LHFPL3: variants seen among roughly 807,000 people sequenced by gnomAD.
LHFPL3 encodes LHFPL tetraspan subfamily member 3.
In LHFPL3, 5 loss-of-function variants were observed where a neutral mutation model predicts 19.3. The observed-to-expected ratio is 0.26, with a 90% confidence interval of 0.14 to 0.54. LHFPL3 has a LOEUF of 0.54. Ranked by LOEUF, LHFPL3 falls within the 20% of genes least tolerant of loss-of-function variation. LHFPL3 has a pLI of 0.94. For synonymous variants in LHFPL3, 133 were observed against 126.2 expected (o/e 1.05, Z -0.36); for missense variants, 249 against 307.4 (o/e 0.81, Z 1.42).
At chr7:104,886,065 G>A (rs772402473) in intron 2 of LHFPL3, among the ~76,000 whole-genome samples, 5 of 152,056 alleles carry the variant, frequency 3.3e-5, no homozygotes, top group Non-Finnish European at 4.4e-5. Flanking sequence ...ATTTTTGTTC[G>A]TAGCACTCAA....
intron 1 of LHFPL3, among the ~76,000 whole-genome samples, chr7:104,652,209 C>G (rs781364738): frequency 3.4e-4 from 51 of 151,998 alleles, no homozygotes; most frequent in Non-Finnish European, 6.2e-4. Context: ...ACTTGACAAC[C>G]TGGGGCAGTG....
chr7:104,899,959 T>C (rs1792451420), intron 2 of LHFPL3, among the ~76,000 whole-genome samples: 1 of 152,236 alleles, frequency 6.6e-6, no homozygotes, highest in Non-Finnish European at 1.5e-5. Context: ...TTCGAACTCC[T>C]GACCTCAGGT....
intron 1 of LHFPL3, among the ~76,000 whole-genome samples, chr7:104,444,930 G>A (rs780973206): frequency 6.6e-6 from 1 of 152,072 alleles, no homozygotes; most frequent in Non-Finnish European, 1.5e-5. Context: ...GGAGGTTGCG[G>A]TGAGTTGAAA....
intron 1 of LHFPL3, among the ~76,000 whole-genome samples, chr7:104,434,460 T>A (rs963888240): frequency 6.6e-6 from 1 of 152,228 alleles, no homozygotes; most frequent in Non-Finnish European, 1.5e-5. Context: ...GGGTCTAGGA[T>A]ACAGAAAACT....
chr7:104,407,718 A>G (rs1344151392), intron 1 of LHFPL3, among the ~76,000 whole-genome samples: 1 of 152,232 alleles, frequency 6.6e-6, no homozygotes, highest in African/African-American at 2.4e-5. Context: ...GACTTGAAAG[A>G]TAGTTAAAGA....
intron 1 of LHFPL3, among the ~76,000 whole-genome samples, chr7:104,511,660 C>T (rs1308589927): frequency 6.6e-6 from 1 of 152,086 alleles, no homozygotes; most frequent in Non-Finnish European, 1.5e-5. Context: ...ATTGTTGATA[C>T]ATGCAGTGAC....
At chr7:104,739,411 T>G (rs555597190) in intron 2 of LHFPL3, among the ~76,000 whole-genome samples, 6 of 152,310 alleles carry the variant, frequency 3.9e-5, no homozygotes, top group African/African-American at 1.4e-4. Flanking sequence ...GTGCATGTAA[T>G]TATCAAAATT....
chr7:104,539,766 G>GA (rs1207381052), intron 1 of LHFPL3, among the ~76,000 whole-genome samples: 1 of 152,166 alleles, frequency 6.6e-6, no homozygotes, highest in Non-Finnish European at 1.5e-5. Context: ...TTTAACCTGA[G>GA]ATTATGCTCT....
chr7:104,820,733 G>C (rs920128270), intron 2 of LHFPL3, among the ~76,000 whole-genome samples: 1 of 152,136 alleles, frequency 6.6e-6, no homozygotes, highest in Admixed American at 6.5e-5. Flanking sequence ...AGGTTGGGAA[G>C]ACACCTTAAC....
chr7:104,833,033 ATATATATATAT>A (rs1335458015), intron 2 of LHFPL3, among the ~76,000 whole-genome samples: 28 of 1,384 alleles, frequency 0.02, no homozygotes, highest in South Asian at 0.05. Flanking sequence ...TAGATATATT[ATATATATATAT>A]TATATATATA....
intron 2 of LHFPL3, among the ~76,000 whole-genome samples, chr7:104,869,380 C>T (rs1466316502): frequency 2.0e-5 from 3 of 151,718 alleles, no homozygotes; most frequent in Non-Finnish European, 4.4e-5. Context: ...CAATGAACTC[C>T]AACAAATTTA....
chr7:104,448,207 C>A (rs991400573), intron 1 of LHFPL3, among the ~76,000 whole-genome samples: 1 of 152,070 alleles, frequency 6.6e-6, no homozygotes, highest in African/African-American at 2.4e-5. Flanking sequence ...TTTGTCTTCA[C>A]CTAAGGAGTT....
At chr7:104,610,460 T>G (rs999336057) in intron 1 of LHFPL3, among the ~76,000 whole-genome samples, 4 of 152,108 alleles carry the variant, frequency 2.6e-5, no homozygotes, top group Non-Finnish European at 4.4e-5. Flanking sequence ...TCATGGAGGT[T>G]GAGAAATCCA....
intron 1 of LHFPL3, among the ~76,000 whole-genome samples, chr7:104,373,287 G>T (rs1189168749): frequency 1.3e-5 from 2 of 152,148 alleles, no homozygotes; most frequent in African/African-American, 4.8e-5. Context: ...GAAAATAATA[G>T]TCTTTCTTAT....
At position 104,328,803 on chromosome 7, in the gene LHFPL3, C is replaced by G; in HGVS notation, c.24C>G (p.Ala8=). The G allele has an allele frequency of 1.4e-6, 2 of 1,475,006 alleles. No homozygotes were observed. The highest frequency in any genetic ancestry group is 1.8e-6 in the Non-Finnish European group (2 of 1,082,948). The allele number at this position is 1,475,006 out of a possible 1,614,324, so 91.4% of individuals were successfully genotyped here. The change falls in exon 1 of 3, where the codon GCC becomes GCG. Residue 8 remains alanine (A), a synonymous_variant. Coordinates refer to ENST00000424859, the MANE Select transcript of LHFPL3 (RefSeq NM_199000.3). This position sits in a 1 kb window ranked among gnomAD's most constrained non-coding sequence, Gnocchi z 4.6. Reference sequence around the variant, plus strand: ...GAATGCCCGGAGCCGCCGCCGCTGCCGCCGCCGCCGCCGCCGCGATGCTCC... The same window carrying G: ...GAATGCCCGGAGCCGCCGCCGCTGCGGCCGCCGCCGCCGCCGCGATGCTCC... MPGAAAA[A]AAAAAAMLPA...
intron 1 of LHFPL3, among the ~76,000 whole-genome samples, chr7:104,649,898 G>T (rs1791999427): frequency 2.0e-5 from 3 of 152,138 alleles, no homozygotes; most frequent in Admixed American, 6.5e-5. Context: ...CAGCATCTGG[G>T]GCTTGTTAGA....
At chr7:104,345,741 T>C (rs1345007096) in intron 1 of LHFPL3, among the ~76,000 whole-genome samples, 1 of 152,190 alleles carries the variant, frequency 6.6e-6, no homozygotes, top group African/African-American at 2.4e-5. Context: ...TTATGTGATG[T>C]AAACATAATA....
At chr7:104,439,559 C>T (rs150579912) in intron 1 of LHFPL3, among the ~76,000 whole-genome samples, 19 of 152,160 alleles carry the variant, frequency 1.2e-4, no homozygotes, top group Non-Finnish European at 2.6e-4. Flanking sequence ...TATCTCATTA[C>T]ATGCCATAAG....
At chr7:104,468,793 G>T (rs1035220720) in intron 1 of LHFPL3, among the ~76,000 whole-genome samples, 2 of 151,852 alleles carry the variant, frequency 1.3e-5, no homozygotes, top group African/African-American at 4.8e-5. Flanking sequence ...CGAGTAGCTG[G>T]GATTACAGGT....
Sources: gnomAD v4.1 joint callset for allele counts (sites outside exome capture counted in the v4.1 genomes callset) on GRCh38, gnomAD v4.1.1 for gene constraint, Gnocchi (gnomAD v3.1) non-coding constraint, MANE v1.5 for transcripts, NCBI Gene and HGNC (gene_info 2026-07-23, HGNC 2026-07-21) for gene names.